SIAH1: variants seen among roughly 807,000 people sequenced by gnomAD.
The protein encoded by SIAH1 is siah E3 ubiquitin protein ligase 1.
In SIAH1, 2 loss-of-function variants were observed where a neutral mutation model predicts 20.0. That is an observed-to-expected ratio of 0.10 (90% confidence interval 0.04 to 0.31). The LOEUF is 0.31. Ranked by LOEUF, SIAH1 falls within the 10% of genes least tolerant of loss-of-function variation. SIAH1 has a pLI of 1.00. For missense variants in SIAH1, 119 were observed against 355.3 expected (o/e 0.33, Z 5.35); for synonymous variants, 118 against 125.3 (o/e 0.94, Z 0.39).
chr16:48,366,741 G>A (rs1960852659), intron 1 of SIAH1, among the ~76,000 whole-genome samples: 1 of 152,122 alleles, frequency 6.6e-6, no homozygotes, highest in Admixed American at 6.5e-5. Context: ...CCCAATGCAA[G>A]GAATTGCAGA....
rs544486863 is a variant in SIAH1 at position 48,371,069 on chromosome 16, G to A, written c.-2-8639C>T. On this transcript the variant is annotated intron_variant, in intron 1 of 1. Transcript: ENST00000394725. ...GGGGAGGTTGCAGTGAGCCAAGATC[G>A]TGCCATTGCACTCCAGTCTGGGCAA... 3.3e-5 allele frequency among the ~76,000 whole-genome samples: 5 copies of A among 149,590 alleles called. No individual in the cohort carries two copies. The East Asian group carries it at 7.8e-4, about 23-fold the overall frequency.
chr16:48,381,808 T>A (rs760971235), intron 1 of SIAH1, among the ~76,000 whole-genome samples: 1 of 152,198 alleles, frequency 6.6e-6, no homozygotes, highest in Non-Finnish European at 1.5e-5. Flanking sequence ...CATTCATGTA[T>A]GTCATTATGT....
At chr16:48,364,528 C>T (rs1406257760) in intron 1 of SIAH1, among the ~76,000 whole-genome samples, 2 of 152,180 alleles carry the variant, frequency 1.3e-5, no homozygotes, top group East Asian at 1.9e-4. Flanking sequence ...GGACTCAGAA[C>T]ATGAATCAAC....
At chr16:48,384,935 G>A (rs1288268880) in intron 1 of SIAH1, among the ~76,000 whole-genome samples, 2 of 144,812 alleles carry the variant, frequency 1.4e-5, no homozygotes, top group Non-Finnish European at 3.1e-5. Context: ...CCGGCCGCGC[G>A]GGGCCGACCC....
chr16:48,362,541 GA>G lies in SIAH1; in HGVS notation c.-2-112del. ...TTTAAAGTTTCATACAAAATTTACTGAGCAAAAGAGGAAGAAAAATAGGATT... is the reference window on the plus strand; with the variant it reads ...TTTAAAGTTTCATACAAAATTTACTGGCAAAAGAGGAAGAAAAATAGGATT... On this transcript the variant is annotated intron_variant, in intron 1 of 1. Transcript: ENST00000394725. The surrounding 1 kb of genome is among the most constrained non-coding windows in gnomAD (Gnocchi z 4.2). 1 of 1,055,898 alleles carries G rather than the reference GA, an allele frequency of 9.5e-7. No individual in the cohort carries two copies. The allele number at this position is 1,055,898 out of a possible 1,614,324, so 65.4% of individuals were successfully genotyped here.
At chr16:48,364,080 G>A (rs1337905199) in intron 1 of SIAH1, among the ~76,000 whole-genome samples, 1 of 148,978 alleles carries the variant, frequency 6.7e-6, no homozygotes, top group Non-Finnish European at 1.5e-5. Flanking sequence ...CTCCCAAGTA[G>A]CTGGGATTAC....
intron 1 of SIAH1, among the ~76,000 whole-genome samples, chr16:48,372,169 G>C (rs1401218869): frequency 6.6e-6 from 1 of 152,148 alleles, no homozygotes; most frequent in Non-Finnish European, 1.5e-5. Context: ...GATATATTTT[G>C]ATTGATGGCT....
At chr16:48,365,340 C>T (rs1406645330) in intron 1 of SIAH1, 3 of 1,606,828 alleles carry the variant, frequency 1.9e-6, no homozygotes, top group Non-Finnish European at 2.6e-6. Context: ...TGACTAATAG[C>T]GTTCAAGTTT....
chr16:48,381,890 C>T (rs1256371786), intron 1 of SIAH1, among the ~76,000 whole-genome samples: 1 of 152,112 alleles, frequency 6.6e-6, no homozygotes, highest in African/African-American at 2.4e-5. Context: ...GTAGGTTCCT[C>T]AATTGTAACA....
rs74017934 is a variant in SIAH1 at position 48,365,450 on chromosome 16, G to C, written c.-2-3020C>G. ...AACAAGACTCCCCTCCAGGAGTACAGAGAAGGTGGAGTAGCCTTTCCCGTC... is the reference window on the plus strand; with the variant it reads ...AACAAGACTCCCCTCCAGGAGTACACAGAAGGTGGAGTAGCCTTTCCCGTC... On this transcript the variant is annotated intron_variant, in intron 1 of 1. Transcript: ENST00000394725. 1,662 of 1,613,868 alleles carry C rather than the reference G, an allele frequency of 1.0e-3. 16 individuals carry two copies. The African/African-American group carries it at 0.019, about 19-fold the overall frequency.
In SIAH1 at chr16:48,362,539, C is replaced by A. The variant is rs959500245; in HGVS notation, c.-2-109G>T. 2.4e-5 allele frequency: 27 copies of A among 1,130,270 alleles called. No homozygotes were observed. The highest frequency in any genetic ancestry group is 3.4e-5 in the Non-Finnish European group (27 of 792,206). The allele number at this position is 1,130,270 out of a possible 1,614,324, so 70.0% of individuals were successfully genotyped here. A position where few individuals can be genotyped will look rare whatever the true frequency, so the allele number is the denominator to read the frequency against. ...CTTTTAAAGTTTCATACAAAATTTA[C>A]TGAGCAAAAGAGGAAGAAAAATAGG... On this transcript the variant is annotated intron_variant, in intron 1 of 1. Coordinates refer to ENST00000394725, the MANE Select transcript of SIAH1 (RefSeq NM_003031.4). This position sits in a 1 kb window ranked among gnomAD's most constrained non-coding sequence, Gnocchi z 4.2.
At chr16:48,374,128 A>ATCT (rs1476474719) in intron 1 of SIAH1, among the ~76,000 whole-genome samples, 1 of 152,200 alleles carries the variant, frequency 6.6e-6, no homozygotes, top group African/African-American at 2.4e-5. Context: ...AGAATGTATT[A>ATCT]TCTTCTAACA....
chr16:48,380,411 C>T (rs1344914413), intron 1 of SIAH1, among the ~76,000 whole-genome samples: 1 of 151,900 alleles, frequency 6.6e-6, no homozygotes, highest in African/African-American at 2.4e-5. Context: ...TGAGTTGGCG[C>T]CACCGCACTC....
At chr16:48,368,976 TG>T (rs1360873165) in intron 1 of SIAH1, among the ~76,000 whole-genome samples, 1 of 152,202 alleles carries the variant, frequency 6.6e-6, no homozygotes, top group Non-Finnish European at 1.5e-5. Context: ...CATTTGACAT[TG>T]TGGCAGGTAT....
Position 48,385,291 on chromosome 16 carries a change from C to T in SIAH1, c.-90G>A, listed in dbSNP as rs1178168406. On this transcript the variant is annotated 5_prime_UTR_variant, in exon 1 of 2. Coordinates refer to ENST00000394725, the MANE Select transcript of SIAH1 (RefSeq NM_003031.4). ...CCGCCACCGCGGGCAGCGCCACCGCCTCTTCCCGGCGCCGAGACCGACGGG... is the reference window on the plus strand; with the variant it reads ...CCGCCACCGCGGGCAGCGCCACCGCTTCTTCCCGGCGCCGAGACCGACGGG... The T allele has an allele frequency of 1.4e-5, 4 of 290,544 alleles. No homozygotes were observed. The highest frequency in any genetic ancestry group is 1.7e-4 in the East Asian group (1 of 6,034). The allele number at this position is 290,544 out of a possible 1,614,324, so 18.0% of individuals were successfully genotyped here. A position where few individuals can be genotyped will look rare whatever the true frequency, so the allele number is the denominator to read the frequency against.
At chr16:48,384,724 G>A (rs897212664) in intron 1 of SIAH1, among the ~76,000 whole-genome samples, 19 of 151,474 alleles carry the variant, frequency 1.3e-4, no homozygotes, top group African/African-American at 4.6e-4. Context: ...GGCGCCGCGG[G>A]GAGGAGGGGG....
At chr16:48,364,362 T>C (rs928990973) in intron 1 of SIAH1, among the ~76,000 whole-genome samples, 4 of 152,214 alleles carry the variant, frequency 2.6e-5, no homozygotes, top group African/African-American at 9.6e-5. Context: ...AAATGCAACT[T>C]AGGTTTAGAT....
chr16:48,363,504 G>C (rs1960693455), intron 1 of SIAH1: 1 of 167,024 alleles, frequency 6.0e-6, no homozygotes, highest in African/African-American at 2.4e-5. Context: ...AAACTTTTTA[G>C]TCTGGTAGAG....
upstream of SIAH1, among the ~76,000 whole-genome samples, chr16:48,385,811 G>T (rs1480640140): frequency 6.6e-6 from 1 of 152,112 alleles, no homozygotes; most frequent in Non-Finnish European, 1.5e-5. Context: ...CCGCCGCCGC[G>T]GCCTTGTGCC....
Sources: gnomAD v4.1 joint callset for allele counts (sites outside exome capture counted in the v4.1 genomes callset) on GRCh38, gnomAD v4.1.1 for gene constraint, Gnocchi (gnomAD v3.1) non-coding constraint, MANE v1.5 for transcripts, NCBI Gene and HGNC (gene_info 2026-07-23, HGNC 2026-07-21) for gene names.